Variants in ADGRL3 observed in about 807,000 individuals in gnomAD.
The protein encoded by ADGRL3 is calcium-independent alpha-latrotoxin receptor 3.
Under a neutral mutation model 153.5 loss-of-function variants are expected in ADGRL3, and 62 were observed. That is an observed-to-expected ratio of 0.40 (90% confidence interval 0.33 to 0.50). ADGRL3 has a LOEUF of 0.50. ADGRL3 is among the 20% of genes least tolerant of loss of function. The pLI is 0.47. For missense variants in ADGRL3, 1,641 were observed against 1,859.4 expected, an observed-to-expected ratio of 0.88 and a Z score of 2.16; for synonymous variants, 710 against 672.5, an observed-to-expected ratio of 1.06 and a Z score of -0.86.
At chr4:61,378,308 A>G (rs150335235) in intron 1 of ADGRL3, among the ~76,000 whole-genome samples, 91 of 151,976 alleles carry the variant, frequency 6.0e-4, no homozygotes, top group Non-Finnish European at 1.0e-3. Flanking sequence ...TTTTGTGGAG[A>G]CCATTTGCCA....
chr4:61,309,079 A>G (rs981942207), intron 1 of ADGRL3, among the ~76,000 whole-genome samples: 1 of 152,210 alleles, frequency 6.6e-6, no homozygotes, highest in African/African-American at 2.4e-5. Context: ...TCAAGAGATC[A>G]AAATTTACTT....
Position 62,037,843 on chromosome 4 carries a change from C to T in ADGRL3, c.3704C>T (p.Ser1235Phe). 1 of 1,613,646 alleles carries T rather than the reference C, an allele frequency of 6.2e-7. No homozygotes were observed. The highest frequency in any genetic ancestry group is 8.5e-7 in the Non-Finnish European group (1 of 1,179,728). Residue 1235 changes from serine (S) to phenylalanine (F), a missense_variant, in exon 24 of 27, where the codon TCC (serine) becomes TTC (phenylalanine). Physicochemically the swap from Ser to Phe is radical, Grantham distance 155 (BLOSUM62 -2). Coordinates refer to ENST00000683033, the MANE Select transcript of ADGRL3 (RefSeq NM_001387552.1). ...TSGSRTPGRY[S>F]TGSQSRIRRM... ...GGTTCTCGAACTCCTGGACGCTACT[C>T]CACAGGCTCACAGGTAAACAATATT...
At chr4:61,479,307 G>A (rs960253342) in intron 2 of ADGRL3, among the ~76,000 whole-genome samples, 11 of 151,958 alleles carry the variant, frequency 7.2e-5, no homozygotes, top group East Asian at 1.9e-4. Context: ...ATGTTTAGAT[G>A]TATGTAATGT....
intron 4 of ADGRL3, among the ~76,000 whole-genome samples, chr4:61,566,832 T>C (rs1377464742): frequency 7.2e-5 from 11 of 152,154 alleles, no homozygotes; most frequent in Admixed American, 7.2e-4. Flanking sequence ...TTATTATTAC[T>C]TAAAGTTTTC....
At chr4:61,694,171 T>A (rs1561075022) in intron 6 of ADGRL3, among the ~76,000 whole-genome samples, 1 of 141,256 alleles carries the variant, frequency 7.1e-6, no homozygotes, top group African/African-American at 2.6e-5. Flanking sequence ...TTTTAAAATT[T>A]TGTCATTATT....
rs536786852 is a variant in ADGRL3, at chr4:61,832,791, TTCTC to T, written c.1480+18908_1480+18911del. Reference sequence around the variant, plus strand: ...CTAGAATCATTGTTTTTCGCTTTCTTTCTCTCTCTGTTTTCTTTTTCTTTTTTTT... The same window carrying T: ...CTAGAATCATTGTTTTTCGCTTTCTTTCTCTGTTTTCTTTTTCTTTTTTTT... On this transcript the variant is annotated intron_variant, in intron 9 of 26. Coordinates refer to ENST00000683033, the MANE Select transcript of ADGRL3 (RefSeq NM_001387552.1). 4.6e-3 allele frequency among the ~76,000 whole-genome samples: 698 copies of T among 151,426 alleles called. 5 individuals carry two copies. Among genetic ancestry groups the T allele is most frequent in the African/African-American group, 0.016 (660 of 41,184 alleles).
intron 21 of ADGRL3, among the ~76,000 whole-genome samples, chr4:62,018,483 G>A (rs566257896): frequency 8.5e-5 from 13 of 152,094 alleles, no homozygotes; most frequent in Non-Finnish European, 1.6e-4. Context: ...AGTGGTGATT[G>A]CAATCACTCA....
chr4:61,907,414 A>G (rs1018552218), intron 11 of ADGRL3, among the ~76,000 whole-genome samples: 2 of 151,858 alleles, frequency 1.3e-5, no homozygotes, highest in African/African-American at 2.4e-5. Context: ...ATGCGCCACC[A>G]TGCCCAGCTA....
chr4:61,495,499 G>A (rs78771570), intron 2 of ADGRL3, among the ~76,000 whole-genome samples: 1,578 of 150,850 alleles, frequency 0.01, 31 homozygotes, highest in African/African-American at 0.035. Flanking sequence ...GGAAGGGGAA[G>A]GGAAGGGAAG....
chr4:61,346,271 C>T (rs1010134309), intron 1 of ADGRL3, among the ~76,000 whole-genome samples: 1 of 150,314 alleles, frequency 6.7e-6, no homozygotes, highest in African/African-American at 2.5e-5. Flanking sequence ...TTTCTCTCCC[C>T]CCACGCTCTC....
intron 1 of ADGRL3, among the ~76,000 whole-genome samples, chr4:61,288,757 G>A (rs1471819033): frequency 6.6e-6 from 1 of 151,966 alleles, no homozygotes; most frequent in East Asian, 1.9e-4. Flanking sequence ...TTTATATAGA[G>A]GCATGTAAGT....
intron 2 of ADGRL3, among the ~76,000 whole-genome samples, chr4:61,461,026 C>T (rs529718521): frequency 6.6e-6 from 1 of 152,214 alleles, no homozygotes; most frequent in East Asian, 1.9e-4. Context: ...GTGGAGATTG[C>T]ACCAGTGCAC....
intron 4 of ADGRL3, among the ~76,000 whole-genome samples, chr4:61,575,298 T>C (rs546669965): frequency 6.6e-6 from 1 of 152,130 alleles, no homozygotes; most frequent in African/African-American, 2.4e-5. Context: ...TTGAATAACA[T>C]AGAGAACAGA....
At chr4:61,845,068 G>T (rs979857575) in intron 9 of ADGRL3, among the ~76,000 whole-genome samples, 4 of 152,096 alleles carry the variant, frequency 2.6e-5, no homozygotes, top group African/African-American at 9.7e-5. Context: ...TTCACTTTTA[G>T]AATCTTATGT....
chr4:61,289,598 C>T (rs1322993106), intron 1 of ADGRL3, among the ~76,000 whole-genome samples: 1 of 151,906 alleles, frequency 6.6e-6, no homozygotes, highest in Non-Finnish European at 1.5e-5. Context: ...TTTTTTCTCT[C>T]TTACGCCATC....
intron 8 of ADGRL3, chr4:61,775,497 C>G: frequency 2.7e-6 from 2 of 751,202 alleles, no homozygotes; most frequent in South Asian, 2.7e-5. Flanking sequence ...TGGCCTGAGA[C>G]TCCTTGCCAT....
intron 19 of ADGRL3, among the ~76,000 whole-genome samples, chr4:61,992,360 G>A (rs896173482): frequency 6.6e-6 from 1 of 152,180 alleles, no homozygotes; most frequent in Non-Finnish European, 1.5e-5. Flanking sequence ...GCTCAGGCAT[G>A]TATGTATACA....
intron 20 of ADGRL3, among the ~76,000 whole-genome samples, chr4:61,997,912 G>A (rs59144223): frequency 0.018 from 2,743 of 152,176 alleles, 92 homozygotes; most frequent in African/African-American, 0.062. Context: ...AATTTCCACA[G>A]CATCACTCCA....
chr4:61,525,274 A>G (rs1392336605), intron 4 of ADGRL3, among the ~76,000 whole-genome samples: 2 of 152,138 alleles, frequency 1.3e-5, no homozygotes, highest in Admixed American at 6.6e-5. Context: ...ATTTGCAAGC[A>G]TAGATGAGAG....
Sources: allele counts gnomAD v4.1 joint callset (sites outside exome capture counted in the v4.1 genomes callset), GRCh38; gene constraint gnomAD v4.1.1; transcripts MANE v1.5; gene names NCBI Gene and HGNC (gene_info 2026-07-23, HGNC 2026-07-21).